Variants in CTNNA3 observed in about 807,000 individuals in gnomAD.
The protein encoded by CTNNA3 is catenin alpha-3.
In CTNNA3, 76 loss-of-function variants were observed where a neutral mutation model predicts 95.7. The observed-to-expected ratio is 0.79, with a 90% CI of 0.66 to 0.96. CTNNA3 has a LOEUF of 0.96. Ranked by LOEUF, CTNNA3 falls within the 40% of genes least tolerant of loss-of-function variation. CTNNA3 has a pLI of 0.00. For synonymous variants in CTNNA3, 431 were observed against 374.4 expected, an observed-to-expected ratio of 1.15 and a Z score of -1.74; for missense variants, 1,191 against 1,089.8, an observed-to-expected ratio of 1.09 and a Z score of -1.31.
intron 7 of CTNNA3, among the ~76,000 whole-genome samples, chr10:66,883,815 G>A (rs1844933840): frequency 6.6e-6 from 1 of 152,166 alleles, no homozygotes; most frequent in South Asian, 2.1e-4. Context: ...CAGAAGATGT[G>A]AGAGAGATGA....
chr10:67,382,071 T>G (rs1843970587), intron 5 of CTNNA3, among the ~76,000 whole-genome samples: 2 of 152,260 alleles, frequency 1.3e-5, no homozygotes, highest in African/African-American at 4.8e-5. Flanking sequence ...TAACAGTTTA[T>G]GAGAATTCAA....
chr10:67,350,910 G>GTGTATATATATATATATA (rs146861544), intron 5 of CTNNA3, among the ~76,000 whole-genome samples: 96 of 141,804 alleles, frequency 6.8e-4, no homozygotes, highest in African/African-American at 2.2e-3. Flanking sequence ...AAAAGTATGT[G>GTGTATATATATATATATA]TATATATATA....
intron 9 of CTNNA3, among the ~76,000 whole-genome samples, chr10:66,674,832 G>A (rs1175564803): frequency 1.3e-5 from 2 of 152,066 alleles, no homozygotes; most frequent in African/African-American, 4.8e-5. Flanking sequence ...AGGGCATAAA[G>A]AGGAACAGAA....
At chr10:66,088,178 A>G (rs2081060704) in intron 14 of CTNNA3, among the ~76,000 whole-genome samples, 1 of 152,030 alleles carries the variant, frequency 6.6e-6, no homozygotes, top group Non-Finnish European at 1.5e-5. Flanking sequence ...ACTTTCATAC[A>G]GAATACCTTT....
upstream of CTNNA3, among the ~76,000 whole-genome samples, chr10:67,698,434 G>C (rs1841006492): frequency 6.6e-6 from 1 of 152,224 alleles, no homozygotes; most frequent in Admixed American, 6.5e-5. Context: ...TTACAGGAGA[G>C]AAGGGAGGCC....
intron 5 of CTNNA3, among the ~76,000 whole-genome samples, chr10:67,337,333 A>G (rs1842030559): frequency 6.6e-6 from 1 of 152,218 alleles, no homozygotes; most frequent in Non-Finnish European, 1.5e-5. Flanking sequence ...AACTGGAATT[A>G]GAAGTGAAGC....
chr10:67,481,486 G>T (rs1008564561), intron 5 of CTNNA3, among the ~76,000 whole-genome samples: 12 of 152,098 alleles, frequency 7.9e-5, no homozygotes, highest in Non-Finnish European at 1.5e-4. Flanking sequence ...TACCAATAAT[G>T]TTCAAGCTGA....
At chr10:66,559,575 G>A (rs113328161) in intron 10 of CTNNA3, among the ~76,000 whole-genome samples, 256 of 152,098 alleles carry the variant, frequency 1.7e-3, no homozygotes, top group African/African-American at 5.9e-3. Context: ...CTGAGATTCT[G>A]CTTCATGGAG....
intron 11 of CTNNA3, among the ~76,000 whole-genome samples, chr10:66,418,623 A>G (rs1428948657): frequency 6.6e-6 from 1 of 151,198 alleles, no homozygotes; most frequent in African/African-American, 2.4e-5. Context: ...TAAACACAAA[A>G]AACCCCAACA....
At chr10:66,228,999 C>G (rs2089457067) in intron 13 of CTNNA3, among the ~76,000 whole-genome samples, 1 of 152,042 alleles carries the variant, frequency 6.6e-6, no homozygotes, top group South Asian at 2.1e-4. Flanking sequence ...TTTTTCCATT[C>G]TTTGACTTTC....
intron 7 of CTNNA3, among the ~76,000 whole-genome samples, chr10:66,890,590 G>A (rs916802562): frequency 2.0e-5 from 3 of 152,006 alleles, no homozygotes; most frequent in Non-Finnish European, 4.4e-5. Flanking sequence ...AGGGTGCAAT[G>A]GGAGTAAAAA....
intron 7 of CTNNA3, among the ~76,000 whole-genome samples, chr10:66,828,576 A>G (rs113180201): frequency 5.9e-5 from 9 of 152,284 alleles, no homozygotes; most frequent in African/African-American, 2.2e-4. Flanking sequence ...GTAAATGATG[A>G]AGGAACCACA....
chr10:65,994,897 T>C (rs1286654494), intron 15 of CTNNA3, among the ~76,000 whole-genome samples: 1 of 152,168 alleles, frequency 6.6e-6, no homozygotes, highest in Non-Finnish European at 1.5e-5. Flanking sequence ...AAATCCTTTA[T>C]TCCTGCTATA....
chr10:66,132,788 T>A (rs919402361), intron 13 of CTNNA3, among the ~76,000 whole-genome samples: 1 of 152,118 alleles, frequency 6.6e-6, no homozygotes, highest in Admixed American at 6.5e-5. Context: ...CTTAGCAAAC[T>A]AATGCAGGAA....
intron 15 of CTNNA3, among the ~76,000 whole-genome samples, chr10:66,062,026 C>A (rs951181373): frequency 6.6e-6 from 1 of 152,062 alleles, no homozygotes; most frequent in African/African-American, 2.4e-5. Flanking sequence ...TGAAGTCGGA[C>A]CAACCTCCAT....
At chr10:66,818,262 T>C (rs530350766) in intron 7 of CTNNA3, among the ~76,000 whole-genome samples, 17 of 152,120 alleles carry the variant, frequency 1.1e-4, no homozygotes, top group African/African-American at 4.1e-4. Flanking sequence ...TGACTTAACA[T>C]TGTGCTGGAA....
chr10:67,323,852 C>T (rs1589165783), intron 5 of CTNNA3, among the ~76,000 whole-genome samples: 1 of 152,034 alleles, frequency 6.6e-6, no homozygotes, highest in African/African-American at 2.4e-5. Flanking sequence ...GAATGTTTTT[C>T]GATTTGTTTG....
chr10:66,160,304 G>T (rs1473432020), intron 13 of CTNNA3, among the ~76,000 whole-genome samples: 1 of 151,940 alleles, frequency 6.6e-6, no homozygotes, highest in Non-Finnish European at 1.5e-5. Context: ...TCTTTTTGAT[G>T]TAGGCGTTTA....
chr10:66,449,892 T>C (rs1479892659), intron 11 of CTNNA3, among the ~76,000 whole-genome samples: 1 of 152,144 alleles, frequency 6.6e-6, no homozygotes, highest in Non-Finnish European at 1.5e-5. Context: ...AATTCTAACT[T>C]CAAAATGGGT....
Sources: gnomAD v4.1 joint callset for allele counts (sites outside exome capture counted in the v4.1 genomes callset) on GRCh38, gnomAD v4.1.1 for gene constraint, MANE v1.5 for transcripts, NCBI Gene and HGNC (gene_info 2026-07-23, HGNC 2026-07-21) for gene names.